Variants in NSRP1 observed in about 807,000 individuals in gnomAD.
The protein encoded by NSRP1 is nuclear speckle splicing regulatory protein 1, also known as coiled-coil domain containing 55.
NSRP1 carries 24 observed loss-of-function variants against 54.7 expected under a neutral mutation model. That is an observed-to-expected ratio of 0.44 (90% CI 0.32 to 0.62). NSRP1 has a LOEUF of 0.62. NSRP1 is among the 20% of genes least tolerant of loss of function. NSRP1 has a pLI of 0.06. For missense variants in NSRP1, 596 were observed against 651.2 expected (o/e 0.92, Z 0.92); for synonymous variants, 210 against 213.8 (o/e 0.98, Z 0.15).
Position 30,147,783 on chromosome 17 carries a change from TAA to T in NSRP1, c.115-24758_115-24757del, listed in dbSNP as rs538428901. On this transcript the variant is annotated intron_variant, in intron 2 of 6. Transcript: ENST00000247026. ...CAGCCCCGGCCAGACTTTTTTAAGT[TAA>T]GGAACTCTTCTATTCATCACTGACC... Among the ~76,000 whole-genome samples the T allele has an allele frequency of 4.6e-5, 7 of 150,912 alleles. No individual in the cohort carries two copies. The East Asian group carries it at 1.4e-3, about 30-fold the overall frequency.
At chr17:30,162,205 T>TA (rs1457343248) in intron 2 of NSRP1, among the ~76,000 whole-genome samples, 4 of 152,194 alleles carry the variant, frequency 2.6e-5, no homozygotes, top group Middle Eastern at 3.4e-3. Context: ...TTTATTTTTT[T>TA]ACTTTTAGTA....
At chr17:30,167,333 G>A (rs1001319203) in intron 2 of NSRP1, among the ~76,000 whole-genome samples, 3 of 152,074 alleles carry the variant, frequency 2.0e-5, no homozygotes, top group Non-Finnish European at 4.4e-5. Context: ...AGATCTGGCC[G>A]GGCACGGTGG....
At chr17:30,140,092 C>G (rs1411825744) in intron 2 of NSRP1, among the ~76,000 whole-genome samples, 1 of 152,198 alleles carries the variant, frequency 6.6e-6, no homozygotes, top group African/African-American at 2.4e-5. Flanking sequence ...CCAGAGGCTG[C>G]TTACATGTAA....
At chr17:30,173,400 A>G (rs1905025515) in intron 3 of NSRP1, among the ~76,000 whole-genome samples, 1 of 152,254 alleles carries the variant, frequency 6.6e-6, no homozygotes, top group South Asian at 2.1e-4. Flanking sequence ...TTAAGATCAT[A>G]CTATTAATTA....
chr17:30,147,188 G>T (rs1312263221), intron 2 of NSRP1, among the ~76,000 whole-genome samples: 2 of 151,056 alleles, frequency 1.3e-5, no homozygotes, highest in African/African-American at 4.9e-5. Context: ...GAATGCAATG[G>T]TGCGATCTCG....
intron 2 of NSRP1, among the ~76,000 whole-genome samples, chr17:30,125,494 G>C (rs1248192801): frequency 2.6e-5 from 4 of 152,154 alleles, no homozygotes; most frequent in Non-Finnish European, 5.9e-5. Flanking sequence ...CTTGCATCCA[G>C]GGTTAGTTTA....
chr17:30,150,391 T>G (rs1023723173), intron 2 of NSRP1: 4 of 144,816 alleles, frequency 2.8e-5, no homozygotes, highest in East Asian at 4.1e-4. Context: ...TATGTGGTGG[T>G]TTTTTTTTTG....
intron 3 of NSRP1, among the ~76,000 whole-genome samples, chr17:30,176,438 G>A (rs141394717): frequency 7.2e-5 from 11 of 151,972 alleles, no homozygotes; most frequent in East Asian, 3.9e-4. Flanking sequence ...GTGAAACTCC[G>A]TCTCTACTAA....
intron 2 of NSRP1, among the ~76,000 whole-genome samples, chr17:30,170,537 A>AT (rs1327524129): frequency 6.6e-6 from 1 of 151,752 alleles, no homozygotes; most frequent in Non-Finnish European, 1.5e-5. Flanking sequence ...GTCAGGTACT[A>AT]TTTTTCTTTT....
chr17:30,174,955 C>T (rs1009032453), intron 3 of NSRP1, among the ~76,000 whole-genome samples: 16 of 152,080 alleles, frequency 1.1e-4, no homozygotes, highest in Admixed American at 9.2e-4. Flanking sequence ...CCTTTTCTTT[C>T]GCTGCAATTA....
At chr17:30,177,198 C>T (rs115223848) in intron 3 of NSRP1, among the ~76,000 whole-genome samples, 1,723 of 151,916 alleles carry the variant, frequency 0.011, 36 homozygotes, top group African/African-American at 0.04. Context: ...TGGTGAAACT[C>T]TGTCTCTACA....
At chr17:30,129,181 C>T (rs534559581) in intron 2 of NSRP1, among the ~76,000 whole-genome samples, 50 of 151,714 alleles carry the variant, frequency 3.3e-4, no homozygotes, top group African/African-American at 1.0e-3. Context: ...AAAGATATAA[C>T]ACATTTTATC....
intron 3 of NSRP1, among the ~76,000 whole-genome samples, chr17:30,174,817 TTAACA>T (rs1234766092): frequency 6.6e-6 from 1 of 152,228 alleles, no homozygotes; most frequent in Non-Finnish European, 1.5e-5. Flanking sequence ...TGGTATAAAC[TTAACA>T]TAAGCATAAA....
rs1168297817 is a variant in NSRP1, at chr17:30,172,538, A to G, written c.115-4A>G. The G allele has an allele frequency of 1.3e-5, 21 of 1,604,360 alleles. No homozygotes were observed. Among genetic ancestry groups the G allele is most frequent in the Admixed American group, 1.7e-5 (1 of 58,580 alleles). Reference sequence around the variant, plus strand: ...AAAAGTGACAATATATTTCTGTTTTACAGACCTCTGTGAGTGAAAGCCTTC... The same window carrying G: ...AAAAGTGACAATATATTTCTGTTTTGCAGACCTCTGTGAGTGAAAGCCTTC... On this transcript the variant is annotated splice_region_variant and splice_polypyrimidine_tract_variant and intron_variant, in intron 2 of 6. Coordinates refer to ENST00000247026, the MANE Select transcript of NSRP1 (RefSeq NM_032141.4).
intron 2 of NSRP1, among the ~76,000 whole-genome samples, chr17:30,143,698 G>T (rs945842448): frequency 1.3e-5 from 2 of 152,050 alleles, no homozygotes; most frequent in African/African-American, 4.8e-5. Flanking sequence ...GGTTAATTAA[G>T]CAATAATTGG....
chr17:30,127,144 T>C (rs899212557), intron 2 of NSRP1, among the ~76,000 whole-genome samples: 5 of 152,222 alleles, frequency 3.3e-5, no homozygotes, highest in African/African-American at 1.2e-4. Context: ...CACTGGTCTG[T>C]ATGATTGTTC....
chr17:30,137,450 C>T (rs2071759988), intron 2 of NSRP1, among the ~76,000 whole-genome samples: 1 of 152,206 alleles, frequency 6.6e-6, no homozygotes, highest in Non-Finnish European at 1.5e-5. Context: ...TAAGTCATTG[C>T]TTTTCTCCCC....
Position 30,117,430 on chromosome 17 carries a change from A to C in NSRP1, c.20+567A>C, listed in dbSNP as rs143222423. ...CTTTGATGTGTAATCCTTACTTTTG[A>C]TGCGGCCTCCCGTGATCTCCGCATC... is the stretch of plus-strand genomic sequence containing the variant. On this transcript the variant is annotated intron_variant, in intron 1 of 6. Coordinates refer to ENST00000247026, the MANE Select transcript of NSRP1 (RefSeq NM_032141.4). The C allele has an allele frequency of 3.6e-3, 1,559 of 435,262 alleles. 11 individuals carry two copies. The highest frequency in any genetic ancestry group is 4.6e-3 in the Non-Finnish European group (1,140 of 245,790). 27.0% of individuals were successfully genotyped at this position (435,262 alleles called of 1,614,324 possible).
chr17:30,152,781 G>A (rs8081389), intron 2 of NSRP1, among the ~76,000 whole-genome samples: 146,371 of 151,918 alleles, frequency 0.96, 70,550 homozygotes, highest in African/African-American at 0.99. Flanking sequence ...CTCAGTATCT[G>A]GTAACCTACT....
Sources: allele counts gnomAD v4.1 joint callset (sites outside exome capture counted in the v4.1 genomes callset), GRCh38; gene constraint gnomAD v4.1.1; transcripts MANE v1.5; gene names NCBI Gene and HGNC (gene_info 2026-07-23, HGNC 2026-07-21).